ALDH3B2: variants seen among roughly 807,000 people sequenced by gnomAD.
ALDH3B2 encodes aldehyde dehydrogenase family 3 member B2.
ALDH3B2 carries 45 observed loss-of-function variants against 36.7 expected under a neutral mutation model. The observed-to-expected ratio is 1.23, with a 90% confidence interval of 0.97 to 1.57. The LOEUF (loss-of-function observed/expected upper bound fraction) is 1.57. ALDH3B2 is among the 40% of genes most tolerant of loss of function. The probability of loss-of-function intolerance (pLI) is 0.00; values close to 1 mark genes in which losing one functional copy is unlikely to be tolerated. For synonymous variants in ALDH3B2, 217 were observed against 226.5 expected (o/e 0.96, Z 0.38); for missense variants, 464 against 513.3 (o/e 0.90, Z 0.93).
chr11:67,672,502 C>T (rs1380919708), intron 1 of ALDH3B2, among the ~76,000 whole-genome samples: 1 of 151,998 alleles, frequency 6.6e-6, no homozygotes, highest in Non-Finnish European at 1.5e-5. Context: ...GTGTGTAAAC[C>T]AAGCTGTGTC....
At chr11:67,671,814 A>G (rs542441061) in intron 1 of ALDH3B2, among the ~76,000 whole-genome samples, 10 of 150,716 alleles carry the variant, frequency 6.6e-5, no homozygotes, top group African/African-American at 2.2e-4. Flanking sequence ...AAGTGCTGGG[A>G]TTACAGGCAT....
intron 8 of ALDH3B2, chr11:67,664,194 G>T (rs936230457): frequency 3.9e-6 from 3 of 778,006 alleles, no homozygotes; most frequent in Non-Finnish European, 6.1e-6. Flanking sequence ...GGATGGACCC[G>T]CTAAGTGTCT....
chr11:67,665,697 G>T (rs201993065), intron 6 of ALDH3B2, 26 bp from the exon 7 acceptor site: 1 of 1,582,130 alleles, frequency 6.3e-7, no homozygotes, highest in East Asian at 2.2e-5. Context: ...AACCAGAGTG[G>T]CCAGTCAGTG....
rs189278895 is a variant in ALDH3B2, at chr11:67,667,443, C to T, written c.-82+30G>A. On this transcript the variant is annotated intron_variant, in intron 2 of 9. Coordinates refer to ENST00000349015, the Ensembl canonical transcript of ALDH3B2. ...AAGAGGACAGGGACGCTGCTCCAGC[C>T]CCTGCCGGGGCCCACTCTCCACGGC... 2,226 of 361,292 alleles carry T rather than the reference C, an allele frequency of 6.2e-3. 17 individuals are homozygous for T. The highest frequency in any genetic ancestry group is 8.6e-3 in the Non-Finnish European group (1,672 of 193,364). 22.4% of individuals were successfully genotyped at this position (361,292 alleles called of 1,614,324 possible). A position where few individuals can be genotyped will look rare whatever the true frequency, so the allele number is the denominator to read the frequency against.
At chr11:67,667,493 G>A in exon 2 of ALDH3B2, 1 of 388,158 alleles carries the variant, frequency 2.6e-6, no homozygotes, top group South Asian at 7.1e-5. Flanking sequence ...TCCTGGGCCA[G>A]CACGTCGCGC....
exon 3 of ALDH3B2, chr11:67,666,998 T>C: frequency 6.2e-7 from 1 of 1,602,418 alleles, no homozygotes; most frequent in Non-Finnish European, 8.6e-7. Flanking sequence ...AGCTCAGATA[T>C]GTCTGCCTCG....
rs748648154 is a variant in ALDH3B2 at position 67,665,618 on chromosome 11, G to A, written c.373C>T (p.Pro125Ser). 3.1e-6 allele frequency: 5 copies of A among 1,613,892 alleles called. No homozygotes were observed. In the South Asian group the frequency reaches 4.4e-5, roughly 14 times the overall value. ...TTGCCCCCCAGCTCCAGGGTGACAG[G>A]CGTCAGGTGCTTGGTGGCAGCAGTC... The change falls in exon 7 of 10, where the codon CCT (proline) becomes TCT (serine). Residue 125 changes from proline (P) to serine (S), a missense_variant. Coordinates refer to ENST00000349015, the Ensembl canonical transcript of ALDH3B2.
intron 7 of ALDH3B2, among the ~76,000 whole-genome samples, chr11:67,664,942 G>C (rs113982152): frequency 1.3e-5 from 2 of 152,202 alleles, no homozygotes; most frequent in African/African-American, 2.4e-5. Context: ...GGATGGGGCC[G>C]TCAGAGTTTA....
chr11:67,677,764 AC>A (rs1416138945), upstream of ALDH3B2, among the ~76,000 whole-genome samples: 1 of 152,220 alleles, frequency 6.6e-6, no homozygotes, highest in Non-Finnish European at 1.5e-5. Context: ...GTTTCTGGAT[AC>A]AAAATTAATG....
chr11:67,672,148 A>ATTT (rs59262273), intron 1 of ALDH3B2, among the ~76,000 whole-genome samples: 1 of 96,154 alleles, frequency 1.0e-5, no homozygotes, highest in African/African-American at 4.8e-5. Flanking sequence ...ATATATATGT[A>ATTT]TTTTTTTTTT....
exon 10 of ALDH3B2, chr11:67,662,259 A>C (rs567531588): frequency 6.6e-5 from 10 of 152,388 alleles, no homozygotes; most frequent in Admixed American, 5.9e-4. Flanking sequence ...GCCACAGCCA[A>C]GGGGAAGCTT....
Position 67,666,237 on chromosome 11 carries a change from C to G in ALDH3B2, c.238-34G>C, listed in dbSNP as rs563519412. 233 of 1,613,114 alleles carry G rather than the reference C, an allele frequency of 1.4e-4. 2 individuals carry two copies. In the South Asian group the frequency reaches 1.9e-3, roughly 13 times the overall value. Reference sequence around the variant, plus strand: ...TGGAATGAGAGGCTCGGGGCGGGCTCGGGGCCAGCCGGGCCTCCTCAGCCC... The same window carrying G: ...TGGAATGAGAGGCTCGGGGCGGGCTGGGGGCCAGCCGGGCCTCCTCAGCCC... On this transcript the variant is annotated intron_variant, in intron 5 of 9. Transcript: ENST00000349015.
At chr11:67,675,661 G>A (rs909952927), upstream of ALDH3B2, among the ~76,000 whole-genome samples, 2 of 152,196 alleles carry the variant, frequency 1.3e-5, no homozygotes, top group African/African-American at 4.8e-5. Flanking sequence ...TGGAATCTTC[G>A]GTAGCTAAAG....
At chr11:67,673,176 C>G (rs916142526) in intron 1 of ALDH3B2, among the ~76,000 whole-genome samples, 6 of 150,836 alleles carry the variant, frequency 4.0e-5, no homozygotes, top group Admixed American at 6.6e-5. Context: ...GTGATCCGCC[C>G]GCCTCGGCCT....
At chr11:67,675,707 G>A (rs761455166), upstream of ALDH3B2, among the ~76,000 whole-genome samples, 11 of 152,358 alleles carry the variant, frequency 7.2e-5, no homozygotes, top group Non-Finnish European at 1.3e-4. Context: ...AAGGGACCTC[G>A]GGATGGGGAA....
chr11:67,672,042 CATATATATATATATATATATAT>C (rs57997475), intron 1 of ALDH3B2, among the ~76,000 whole-genome samples: 15 of 49,496 alleles, frequency 3.0e-4, no homozygotes, highest in Admixed American at 6.9e-4. Flanking sequence ...CGATGTACTT[CATATATATATATATATATATAT>C]ATATATATAT....
In ALDH3B2 at chr11:67,666,302, AG is replaced by A; in HGVS notation, c.237+13del. The A allele has an allele frequency of 6.2e-7, 1 of 1,609,792 alleles. No homozygotes were observed. The highest frequency in any genetic ancestry group is 8.5e-7 in the Non-Finnish European group (1 of 1,177,914). On this transcript the variant is annotated intron_variant, in intron 5 of 9. Transcript: ENST00000349015. ...TGGGGACGTCGGGCACTGCTGGGGC[AG>A]GGCCACCCTCACCTGGTCCAGGTAC...
intron 1 of ALDH3B2, among the ~76,000 whole-genome samples, chr11:67,671,606 C>T (rs1343419672): frequency 2.0e-5 from 3 of 147,182 alleles, no homozygotes; most frequent in Non-Finnish European, 4.5e-5. Context: ...GAGTGCAATG[C>T]TGCGATCTCA....
At chr11:67,680,400 A>T (rs527265189) in intron 1 of ALDH3B2, among the ~76,000 whole-genome samples, 1 of 152,208 alleles carries the variant, frequency 6.6e-6, no homozygotes, top group Admixed American at 6.5e-5. Context: ...GTTCTGACAC[A>T]CAAATACTCT....
Sources: allele counts gnomAD v4.1 joint callset (sites outside exome capture counted in the v4.1 genomes callset), GRCh38; gene constraint gnomAD v4.1.1; transcripts MANE v1.5; gene names NCBI Gene and HGNC (gene_info 2026-07-23, HGNC 2026-07-21).